Variants in BMPR1B observed in about 807,000 individuals in gnomAD.
BMPR1B encodes the protein bone morphogenetic protein receptor type 1B.
BMPR1B carries 12 observed loss-of-function variants against 59.1 expected under a neutral mutation model. The observed-to-expected ratio is 0.20, with a 90% confidence interval of 0.13 to 0.33. The LOEUF (loss-of-function observed/expected upper bound fraction) is 0.33. Ranked by LOEUF, BMPR1B falls within the 10% of genes least tolerant of loss-of-function variation. The pLI, the probability that BMPR1B is intolerant of heterozygous loss-of-function variation, is 1.00. For synonymous variants in BMPR1B, 237 were observed against 207.3 expected (o/e 1.14, Z -1.23); for missense variants, 550 against 610.9 (o/e 0.90, Z 1.05).
chr4:94,863,720 C>T (rs1299890412), intron 1 of BMPR1B, among the ~76,000 whole-genome samples: 2 of 152,132 alleles, frequency 1.3e-5, no homozygotes, highest in Non-Finnish European at 2.9e-5. Context: ...TTACTTGAAT[C>T]GTATGTGATG....
chr4:95,094,075 A>G (rs1445018792), intron 3 of BMPR1B, among the ~76,000 whole-genome samples: 2 of 152,084 alleles, frequency 1.3e-5, no homozygotes, highest in East Asian at 1.9e-4. Flanking sequence ...TCGGCTTTCC[A>G]TATGTAGTTG....
chr4:95,058,447 A>T (rs2149200164), intron 3 of BMPR1B, among the ~76,000 whole-genome samples: 2 of 152,340 alleles, frequency 1.3e-5, no homozygotes, highest in Middle Eastern at 6.8e-3. Flanking sequence ...GGAGTTTTAC[A>T]TATAAGGAAA....
intron 3 of BMPR1B, among the ~76,000 whole-genome samples, chr4:95,071,664 AT>A (rs1728307412): frequency 1.4e-5 from 2 of 145,212 alleles, no homozygotes; most frequent in African/African-American, 2.5e-5. Flanking sequence ...ATATATATAT[AT>A]ATATATATAT....
intron 3 of BMPR1B, among the ~76,000 whole-genome samples, chr4:95,035,621 T>C (rs1345900812): frequency 6.6e-6 from 1 of 152,196 alleles, no homozygotes; most frequent in South Asian, 2.1e-4. Context: ...GGTTCTCTAT[T>C]CTGTTCCATT....
intron 3 of BMPR1B, among the ~76,000 whole-genome samples, chr4:95,068,908 G>A (rs558644480): frequency 1.1e-3 from 174 of 152,242 alleles, no homozygotes; most frequent in African/African-American, 3.9e-3. Flanking sequence ...TAGGCTTTTG[G>A]AAACTGGCAC....
intron 2 of BMPR1B, among the ~76,000 whole-genome samples, chr4:94,980,740 T>C (rs1721005091): frequency 1.3e-5 from 2 of 152,128 alleles, no homozygotes; most frequent in Admixed American, 1.3e-4. Context: ...TTGGAAAAAT[T>C]AGTGAATGAA....
rs188907395 is a variant in BMPR1B at position 94,923,058 on chromosome 4, C to T, written c.-113+47158C>T. On this transcript the variant is annotated intron_variant, in intron 2 of 12. Coordinates refer to ENST00000515059, the MANE Select transcript of BMPR1B (RefSeq NM_001203.3). ...AGTGCTATTTCATTGACCTATTTTC[C>T]ACCATGGGTCTCTAAAATGCTGTAA... 3.4e-3 allele frequency among the ~76,000 whole-genome samples: 515 copies of T among 152,218 alleles called. 1 individual carries two copies. Among genetic ancestry groups the T allele is most frequent in the African/African-American group, 0.012 (498 of 41,544 alleles).
chr4:95,131,589 G>T, intron 10 of BMPR1B, 77 bp downstream of exon 10: 3 of 1,494,496 alleles, frequency 2.0e-6, no homozygotes, highest in Non-Finnish European at 1.9e-6. Context: ...AGTGCTTCTA[G>T]GATATTTAGT....
intron 2 of BMPR1B, among the ~76,000 whole-genome samples, chr4:94,952,056 T>C (rs1578842299): frequency 6.6e-6 from 1 of 152,318 alleles, no homozygotes; most frequent in East Asian, 1.9e-4. Context: ...GAGGTGTTTA[T>C]ATTATTCTCT....
chr4:94,826,112 C>T (rs962800239), intron 1 of BMPR1B, among the ~76,000 whole-genome samples: 1 of 152,172 alleles, frequency 6.6e-6, no homozygotes, highest in East Asian at 1.9e-4. Flanking sequence ...TGATAAGGGC[C>T]AGTCAATAGA....
At chr4:94,891,742 C>T (rs796894298) in intron 2 of BMPR1B, among the ~76,000 whole-genome samples, 6 of 152,032 alleles carry the variant, frequency 3.9e-5, no homozygotes, top group African/African-American at 1.4e-4. Flanking sequence ...TAGGGCTTAC[C>T]AGATCAGTTA....
At chr4:94,959,939 A>G (rs909590864) in intron 2 of BMPR1B, among the ~76,000 whole-genome samples, 1 of 152,192 alleles carries the variant, frequency 6.6e-6, no homozygotes, top group East Asian at 1.9e-4. Flanking sequence ...TTAAATGTTA[A>G]TCGAATTATC....
intron 3 of BMPR1B, among the ~76,000 whole-genome samples, chr4:95,026,913 CA>C (rs1305209520): frequency 6.6e-6 from 1 of 151,492 alleles, no homozygotes; most frequent in Non-Finnish European, 1.5e-5. Flanking sequence ...GGCATGCCAC[CA>C]CCAGTGGCTA....
At chr4:95,061,204 CACACA>C (rs1727355743) in intron 3 of BMPR1B, among the ~76,000 whole-genome samples, 1 of 121,598 alleles carries the variant, frequency 8.2e-6, no homozygotes. Flanking sequence ...CACACACACA[CACACA>C]CCACACACCC....
chr4:95,122,031 A>G (rs554107240), intron 6 of BMPR1B, among the ~76,000 whole-genome samples: 2 of 152,158 alleles, frequency 1.3e-5, no homozygotes, highest in Non-Finnish European at 2.9e-5. Flanking sequence ...TTTTATGTAT[A>G]ATACAGTTTA....
chr4:95,007,282 T>C (rs1341181320), intron 3 of BMPR1B, among the ~76,000 whole-genome samples: 1 of 152,176 alleles, frequency 6.6e-6, no homozygotes, highest in East Asian at 1.9e-4. Context: ...CACACTATGA[T>C]GGCATGAATT....
intron 4 of BMPR1B, 100 bp downstream of exon 4, chr4:95,104,667 A>G: frequency 1.4e-6 from 2 of 1,393,502 alleles, no homozygotes; most frequent in Non-Finnish European, 2.0e-6. Flanking sequence ...ATTTTAGAGA[A>G]CAATGCCTAA....
At chr4:94,781,896 T>G (rs11733843) in intron 1 of BMPR1B, among the ~76,000 whole-genome samples, 83,801 of 151,760 alleles carry the variant, frequency 0.55, 23,293 homozygotes, top group Middle Eastern at 0.71. Context: ...ATGCAAAGAG[T>G]CATATTTATT....
chr4:94,872,875 T>C (rs1726558200), intron 1 of BMPR1B, among the ~76,000 whole-genome samples: 1 of 152,232 alleles, frequency 6.6e-6, no homozygotes, highest in Admixed American at 6.5e-5. Flanking sequence ...TTTCTGCACC[T>C]AAGAAGTTTT....
Sources: allele counts gnomAD v4.1 joint callset (sites outside exome capture counted in the v4.1 genomes callset), GRCh38; gene constraint gnomAD v4.1.1; transcripts MANE v1.5; gene names NCBI Gene and HGNC (gene_info 2026-07-23, HGNC 2026-07-21).